TNKS: variants seen among roughly 807,000 people sequenced by gnomAD.
TNKS encodes poly [ADP-ribose] polymerase tankyrase-1.
A neutral mutation model predicts 135.8 loss-of-function variants in TNKS; 72 were observed. The ratio of observed to expected loss-of-function variants is 0.53; its 90% CI spans 0.44 to 0.64. TNKS has a LOEUF of 0.64. TNKS is among the 30% of genes least tolerant of loss of function. The pLI, the probability that TNKS is intolerant of heterozygous loss-of-function variation, is 0.00. For synonymous variants in TNKS, 849 were observed against 649.3 expected, an observed-to-expected ratio of 1.31 and a Z score of -4.68; for missense variants, 1,769 against 1,674.0, an observed-to-expected ratio of 1.06 and a Z score of -0.99.
chr8:9,756,303 G>A (rs551457157), intron 20 of TNKS, among the ~76,000 whole-genome samples: 14 of 152,104 alleles, frequency 9.2e-5, no homozygotes, highest in South Asian at 8.3e-4. Context: ...GCAAGAGGAC[G>A]TCTTTTTCAT....
chr8:9,765,704 G>A lies in TNKS; in HGVS notation c.3460G>A (p.Val1154Ile), dbSNP rs1807399221. Residue 1154 changes from valine (V) to isoleucine (I), a missense_variant, in exon 24 of 27, where the codon GTC (valine) becomes ATC (isoleucine). By Grantham distance (29) the Val-to-Ile change is conservative. Transcript: ENST00000310430. ...RYNVIRIQKV[V>I]NKKLRERFCH... ...TTCATCCTTAAAGATTCAAAAAGTTGTCAACAAGAAGTTGAGGGAGCGGTT... is the reference window on the plus strand; with the variant it reads ...TTCATCCTTAAAGATTCAAAAAGTTATCAACAAGAAGTTGAGGGAGCGGTT... The A allele has an allele frequency of 6.2e-7, 1 of 1,613,586 alleles. No individual in the cohort carries two copies.
intron 3 of TNKS, among the ~76,000 whole-genome samples, chr8:9,669,435 A>G (rs1043664835): frequency 2.0e-5 from 3 of 152,112 alleles, no homozygotes; most frequent in African/African-American, 7.2e-5. Context: ...AAAAAAAAAA[A>G]AAAAAAAAAG....
rs559182385 is a variant in TNKS at position 9,727,008 on chromosome 8, A to G, written c.2001+288A>G. On this transcript the variant is annotated intron_variant, in intron 13 of 26. Coordinates refer to ENST00000310430, the MANE Select transcript of TNKS (RefSeq NM_003747.3). Reference sequence around the variant, plus strand: ...TTTTAGTAATTTTTCTTCAGGTTACATGAAAGCTCTTTTAATTTCACTTAT... The same window carrying G: ...TTTTAGTAATTTTTCTTCAGGTTACGTGAAAGCTCTTTTAATTTCACTTAT... 2.4e-4 allele frequency among the ~76,000 whole-genome samples: 36 copies of G among 152,362 alleles called. 1 individual carries two copies. In the South Asian group the frequency reaches 7.0e-3, roughly 30 times the overall value.
intron 3 of TNKS, among the ~76,000 whole-genome samples, chr8:9,621,205 C>T (rs1232053836): frequency 1.3e-5 from 2 of 152,110 alleles, no homozygotes; most frequent in African/African-American, 2.4e-5. Context: ...ACAGATTTCT[C>T]AGATGGCTCT....
intron 11 of TNKS, among the ~76,000 whole-genome samples, chr8:9,714,803 C>A (rs1050041846): frequency 1.3e-5 from 2 of 152,128 alleles, no homozygotes; most frequent in African/African-American, 2.4e-5. Flanking sequence ...CACTGGTTTC[C>A]TACGCCTTGA....
At chr8:9,612,214 C>T (rs983470096) in intron 2 of TNKS, among the ~76,000 whole-genome samples, 4 of 151,874 alleles carry the variant, frequency 2.6e-5, no homozygotes, top group Admixed American at 6.6e-5. Context: ...TCTTTTTTCC[C>T]CAATGCATGA....
intron 2 of TNKS, among the ~76,000 whole-genome samples, chr8:9,598,761 GTGTGTATATATATA>G (rs1798894871): frequency 1.2e-4 from 8 of 67,252 alleles, no homozygotes; most frequent in Admixed American, 5.6e-4. Flanking sequence ...GTATATGTGT[GTGTGTATATATATA>G]TATATATATA....
intron 2 of TNKS, among the ~76,000 whole-genome samples, chr8:9,603,455 T>A (rs2128760049): frequency 6.6e-6 from 1 of 152,370 alleles, no homozygotes; most frequent in African/African-American, 2.4e-5. Flanking sequence ...AGCTACCATA[T>A]TGGGCAGCAT....
chr8:9,640,939 C>T (rs1270255893), intron 3 of TNKS, among the ~76,000 whole-genome samples: 2 of 145,922 alleles, frequency 1.4e-5, no homozygotes, highest in African/African-American at 2.5e-5. Context: ...TACATTGCCC[C>T]TCATTTTCTA....
chr8:9,608,063 C>T (rs1799302171), intron 2 of TNKS, among the ~76,000 whole-genome samples: 1 of 152,128 alleles, frequency 6.6e-6, no homozygotes, highest in Admixed American at 6.5e-5. Flanking sequence ...ACCTGAGCCC[C>T]ACGAATAGCT....
chr8:9,748,192 A>G lies in TNKS; in HGVS notation c.2812A>G (p.Thr938Ala), dbSNP rs373055237. Residue 938 changes from threonine (T) to alanine (A), a missense_variant, in exon 18 of 27, where the codon ACG (threonine) becomes GCG (alanine). Transcript: ENST00000310430. ...CACCATGAAGAACCAGGAAGGCCAG[A>G]CGCCTCTGGATCTGGCAACAGTAAG... is the stretch of plus-strand genomic sequence containing the variant. ...DPTMKNQEGQ[T>A]PLDLATADDI... is the part of the protein sequence containing the mutation. 6 of 1,575,602 alleles carry G rather than the reference A, an allele frequency of 3.8e-6. No individual in the cohort carries two copies. In the African/African-American group the frequency reaches 6.8e-5, roughly 18 times the overall value.
chr8:9,565,518 T>C (rs1007638649), intron 1 of TNKS, among the ~76,000 whole-genome samples: 1 of 152,192 alleles, frequency 6.6e-6, no homozygotes, highest in African/African-American at 2.4e-5. Context: ...AATTTACTGA[T>C]TGACTCAAAA....
At chr8:9,625,334 T>C (rs1359148820) in intron 3 of TNKS, among the ~76,000 whole-genome samples, 1 of 152,080 alleles carries the variant, frequency 6.6e-6, no homozygotes, top group Non-Finnish European at 1.5e-5. Context: ...TATTGATCTT[T>C]TCAAATAACC....
chr8:9,676,145 T>C (rs1264910240), intron 3 of TNKS, among the ~76,000 whole-genome samples: 2 of 151,896 alleles, frequency 1.3e-5, no homozygotes, highest in Non-Finnish European at 1.5e-5. Context: ...CCTGAGTAGC[T>C]GGAATTACAG....
At chr8:9,575,655 A>T (rs1305171919) in intron 1 of TNKS, among the ~76,000 whole-genome samples, 1 of 152,218 alleles carries the variant, frequency 6.6e-6, no homozygotes, top group Non-Finnish European at 1.5e-5. Context: ...GAAAAGATTA[A>T]TGTTCAGAAT....
At chr8:9,637,701 G>A (rs1254429667) in intron 3 of TNKS, among the ~76,000 whole-genome samples, 1 of 151,908 alleles carries the variant, frequency 6.6e-6, no homozygotes, top group Non-Finnish European at 1.5e-5. Flanking sequence ...AACCTAATAA[G>A]GGAAAGTAAA....
At chr8:9,678,158 C>G (rs572820818) in intron 3 of TNKS, among the ~76,000 whole-genome samples, 1 of 152,246 alleles carries the variant, frequency 6.6e-6, no homozygotes, top group South Asian at 2.1e-4. Context: ...GCATACAGGC[C>G]TATTGAAGAA....
intron 11 of TNKS, among the ~76,000 whole-genome samples, chr8:9,712,515 C>A (rs983962430): frequency 6.6e-6 from 1 of 152,122 alleles, no homozygotes; most frequent in African/African-American, 2.4e-5. Context: ...ATTAAACCCT[C>A]AAATTCCTAA....
chr8:9,772,395 C>A (rs1015473291), intron 26 of TNKS: 60 of 455,386 alleles, frequency 1.3e-4, no homozygotes, highest in Non-Finnish European at 2.1e-4. Flanking sequence ...CACGACATCT[C>A]TGCAGCATTC....
Sources: gnomAD v4.1 joint callset for allele counts (sites outside exome capture counted in the v4.1 genomes callset) on GRCh38, gnomAD v4.1.1 for gene constraint, MANE v1.5 for transcripts, NCBI Gene and HGNC (gene_info 2026-07-23, HGNC 2026-07-21) for gene names.